MBP: variants seen among roughly 807,000 people sequenced by gnomAD.
MBP encodes Golli-MBP.
Under a neutral mutation model 35.8 loss-of-function variants are expected in MBP, and 16 were observed. The ratio of observed to expected loss-of-function variants is 0.45; its 90% CI spans 0.30 to 0.68. The LOEUF is 0.68. Among genes scored for constraint, MBP ranks in the 30% least tolerant of loss-of-function variants. MBP has a pLI of 0.08. For synonymous variants in MBP, 143 were observed against 159.6 expected, an observed-to-expected ratio of 0.90 and a Z score of 0.78; for missense variants, 380 against 404.7, an observed-to-expected ratio of 0.94 and a Z score of 0.52.
intron 8 of MBP, chr18:76,984,120 A>G (rs1969386788): frequency 6.6e-6 from 1 of 152,288 alleles, no homozygotes; most frequent in Admixed American, 6.5e-5. Flanking sequence ...GGTGACGTTT[A>G]ACAATAATAA....
chr18:76,988,529 T>G lies in MBP; in HGVS notation c.718-2A>C. 1 of 1,611,066 alleles carries G rather than the reference T, an allele frequency of 6.2e-7. No individual in the cohort carries two copies. Among genetic ancestry groups the G allele is most frequent in the Non-Finnish European group, 8.5e-7 (1 of 1,177,772 alleles). ...TCTGCTCAGGGACAGTCCTCTCCCC[T>G]GCATGAGGAAGACAGAGAAATAATG... On this transcript the variant is annotated splice_acceptor_variant, in intron 6 of 8. Coordinates refer to ENST00000355994, the MANE Select transcript of MBP (RefSeq NM_001025101.2). LOFTEE classifies it high-confidence loss of function. This position sits in a 1 kb window ranked among gnomAD's most constrained non-coding sequence, Gnocchi z 5.2.
chr18:76,986,889 G>C, intron 7 of MBP: 2 of 985,384 alleles, frequency 2.0e-6, no homozygotes, highest in Non-Finnish European at 2.4e-6. Flanking sequence ...TTTATCTTTG[G>C]GGAACCTAGA....
chr18:77,096,802 G>A (rs1975775923), intron 2 of MBP, among the ~76,000 whole-genome samples: 1 of 152,090 alleles, frequency 6.6e-6, no homozygotes, highest in African/African-American at 2.4e-5. Context: ...TAAGTGTGAA[G>A]ATAAACTACA....
At chr18:77,057,134 A>T (rs1973758430) in intron 3 of MBP, among the ~76,000 whole-genome samples, 6 of 152,182 alleles carry the variant, frequency 3.9e-5, no homozygotes, top group Admixed American at 3.9e-4. Flanking sequence ...TATCATTAAC[A>T]TTCACTTCAA....
At chr18:77,000,427 CAT>C (rs1454335469) in intron 4 of MBP, among the ~76,000 whole-genome samples, 6 of 152,172 alleles carry the variant, frequency 3.9e-5, no homozygotes, top group African/African-American at 1.2e-4. Context: ...CATCACGATG[CAT>C]AGAGCAACAA....
At chr18:77,129,319 A>G (rs775309488) in intron 1 of MBP, among the ~76,000 whole-genome samples, 9 of 152,242 alleles carry the variant, frequency 5.9e-5, no homozygotes, top group Non-Finnish European at 1.2e-4. Flanking sequence ...GACATTACTA[A>G]TAGCTTTGGA....
chr18:77,117,428 G>A (rs1308961860), intron 1 of MBP, among the ~76,000 whole-genome samples: 3 of 152,088 alleles, frequency 2.0e-5, no homozygotes, highest in African/African-American at 7.2e-5. Context: ...AAAAGGTGAC[G>A]ATTTATTATC....
At chr18:77,065,078 C>T (rs1974139167) in intron 3 of MBP, among the ~76,000 whole-genome samples, 1 of 152,178 alleles carries the variant, frequency 6.6e-6, no homozygotes, top group Non-Finnish European at 1.5e-5. Flanking sequence ...CAAATGAGAA[C>T]ATGGTCAGTC....
At chr18:77,079,825 T>C (rs1042813716) in intron 2 of MBP, among the ~76,000 whole-genome samples, 2 of 152,222 alleles carry the variant, frequency 1.3e-5, no homozygotes, top group African/African-American at 4.8e-5. Flanking sequence ...TGGTTGTATA[T>C]ACAATTTAGT....
intron 4 of MBP, chr18:77,002,948 A>T (rs1970716591): frequency 6.6e-6 from 1 of 152,240 alleles, no homozygotes; most frequent in African/African-American, 2.4e-5. Flanking sequence ...CAGACGAGAA[A>T]AATAAACTAG....
rs901528473 is a variant in MBP at position 77,044,122 on chromosome 18, C to T, written c.139+22176G>A. Reference sequence around the variant, plus strand: ...ACCTCCCCCGATGCCCTCCACGCTGCACACTGGGCTGGTCTGCAGAGGTCG... The same window carrying T: ...ACCTCCCCCGATGCCCTCCACGCTGTACACTGGGCTGGTCTGCAGAGGTCG... On this transcript the variant is annotated intron_variant, in intron 3 of 8. Coordinates refer to ENST00000355994, the MANE Select transcript of MBP (RefSeq NM_001025101.2). This position sits in a 1 kb window ranked among gnomAD's most constrained non-coding sequence, Gnocchi z 4.4. 2.0e-5 allele frequency among the ~76,000 whole-genome samples: 3 copies of T among 152,148 alleles called. No individual in the cohort carries two copies. The highest frequency in any genetic ancestry group is 7.2e-5 in the African/African-American group (3 of 41,418).
intron 3 of MBP, chr18:77,017,648 C>T (rs1039607869): frequency 2.7e-5 from 5 of 184,102 alleles, no homozygotes; most frequent in African/African-American, 1.2e-4. Flanking sequence ...TTTAAAAGGC[C>T]ACTGGTGCAT....
chr18:76,979,871 CA>C lies in MBP; in HGVS notation c.*555del, dbSNP rs1036195601. 14 of 683,164 alleles carry C rather than the reference CA, an allele frequency of 2.0e-5. No homozygotes were observed. The African/African-American group carries it at 2.5e-4, about 12-fold the overall frequency. 42.3% of individuals were successfully genotyped at this position (683,164 alleles called of 1,614,324 possible). ...GCTGCCCAGCCCGCATGTCACATACCAAAAGCTCCCACATGTAGTAAGCCAC... is the reference window on the plus strand; with the variant it reads ...GCTGCCCAGCCCGCATGTCACATACCAAAGCTCCCACATGTAGTAAGCCAC... On this transcript the variant is annotated 3_prime_UTR_variant, in exon 9 of 9. Transcript: ENST00000355994.
intron 4 of MBP, chr18:77,004,175 C>T (rs1247963095): frequency 2.0e-5 from 3 of 152,160 alleles, no homozygotes; most frequent in Non-Finnish European, 4.4e-5. Flanking sequence ...TCCGAGAAAT[C>T]ACAGAACACT....
intron 3 of MBP, among the ~76,000 whole-genome samples, chr18:77,018,284 C>T (rs1364568820): frequency 5.3e-5 from 8 of 149,764 alleles, no homozygotes; most frequent in African/African-American, 2.0e-4. Flanking sequence ...ACTCATCCAT[C>T]CATCCACTCA....
chr18:77,019,419 G>A (rs1160113297), intron 3 of MBP, among the ~76,000 whole-genome samples: 2 of 152,196 alleles, frequency 1.3e-5, no homozygotes, highest in Non-Finnish European at 2.9e-5. Flanking sequence ...GGGGAGAGGT[G>A]TGAAGATGGA....
chr18:77,031,865 G>T (rs1972555004), intron 3 of MBP, among the ~76,000 whole-genome samples: 1 of 152,242 alleles, frequency 6.6e-6, no homozygotes, highest in Admixed American at 6.5e-5. Context: ...GGAGAGGCTT[G>T]CAGGCTGTGC....
chr18:76,981,411 C>G (rs961978583), intron 8 of MBP: 1 of 152,236 alleles, frequency 6.6e-6, no homozygotes, highest in Non-Finnish European at 1.5e-5. Flanking sequence ...ACGTCTTCCA[C>G]ACTGCCCAGT....
intron 1 of MBP, among the ~76,000 whole-genome samples, chr18:77,110,746 AT>A (rs533571839): frequency 4.6e-5 from 7 of 151,616 alleles, no homozygotes; most frequent in Admixed American, 3.3e-4. Context: ...ATTAGATAAG[AT>A]TTTTTTTTCT....
Sources: gnomAD v4.1 joint callset for allele counts (sites outside exome capture counted in the v4.1 genomes callset) on GRCh38, gnomAD v4.1.1 for gene constraint, Gnocchi (gnomAD v3.1) non-coding constraint, MANE v1.5 for transcripts, NCBI Gene and HGNC (gene_info 2026-07-23, HGNC 2026-07-21) for gene names.